PIK3R6: variants seen among roughly 807,000 people sequenced by gnomAD.
PIK3R6 encodes phosphoinositide 3-kinase regulatory subunit 6.
In PIK3R6, 91 loss-of-function variants were observed where a neutral mutation model predicts 84.9. That is an observed-to-expected ratio of 1.07 (90% CI 0.90 to 1.28). The LOEUF is 1.28. Ranked by LOEUF, PIK3R6 falls within the 50% of genes most tolerant of loss-of-function variation. The pLI is 0.00. For synonymous variants in PIK3R6, 416 were observed against 411.4 expected, an observed-to-expected ratio of 1.01 and a Z score of -0.13; for missense variants, 996 against 985.1, an observed-to-expected ratio of 1.01 and a Z score of -0.15.
chr17:8,826,946 C>T (rs955330441), intron 13 of PIK3R6, among the ~76,000 whole-genome samples: 2 of 152,068 alleles, frequency 1.3e-5, no homozygotes. Context: ...GTAAGTGTCC[C>T]GAGTGAGTTC....
At chr17:8,829,334 G>A (rs1161556453) in intron 10 of PIK3R6, among the ~76,000 whole-genome samples, 9 of 129,240 alleles carry the variant, frequency 7.0e-5, no homozygotes, top group African/African-American at 1.6e-4. Context: ...ATACACCCAT[G>A]CAAGCACACA....
At chr17:8,826,050 C>A (rs2151221436) in intron 13 of PIK3R6, among the ~76,000 whole-genome samples, 1 of 152,334 alleles carries the variant, frequency 6.6e-6, no homozygotes, top group South Asian at 2.1e-4. Flanking sequence ...TGGAGTCAAG[C>A]TGCCTGTTTC....
In PIK3R6 at chr17:8,845,716, G is replaced by C. The variant is rs148019268; in HGVS notation, c.13+4066C>G. The stretch of plus-strand genomic sequence containing the variant: ...AATCCCAGCACTTTGGGAGGCAGAG[G>C]GGGGCAGATCACTTGAGGCCAGGAG... On this transcript the variant is annotated intron_variant, in intron 2 of 19. Coordinates refer to ENST00000619866, the MANE Select transcript of PIK3R6 (RefSeq NM_001010855.4). Among the ~76,000 whole-genome samples the C allele has an allele frequency of 1.3e-3, 202 of 152,258 alleles. 1 individual carries two copies. In the East Asian group the frequency reaches 0.029, roughly 22 times the overall value.
rs372114068 is a variant in PIK3R6, at chr17:8,829,224, CAGAG to C, written c.890-238_890-235del. ...ACGTGCACACACACAGACACACACA[CAGAG>C]ACACACTGAAACACATGCATGCACG... On this transcript the variant is annotated intron_variant, in intron 10 of 19. Transcript: ENST00000619866. Among the ~76,000 whole-genome samples, 1,352 of 145,918 alleles carry C rather than the reference CAGAG, an allele frequency of 9.3e-3. 20 individuals carry two copies. Among genetic ancestry groups the C allele is most frequent in the African/African-American group, 0.034 (1,271 of 37,404 alleles).
intron 7 of PIK3R6, 36 bp from the exon 8 acceptor site, chr17:8,835,492 T>C: frequency 6.7e-7 from 1 of 1,500,018 alleles, no homozygotes; most frequent in Non-Finnish European, 9.0e-7. Flanking sequence ...GTGGGATTGA[T>C]AGTAACTAAT....
chr17:8,849,825 G>A lies in PIK3R6; in HGVS notation c.-31C>T, dbSNP rs1297995333. On this transcript the variant is annotated 5_prime_UTR_variant, in exon 2 of 20. Transcript: ENST00000619866. ...CCTTTGGGTGTAGGAGGAGGAGGAT[G>A]TGGTTGTCTCGGGCAGCAGAATAGA... The A allele has an allele frequency of 2.5e-6, 4 of 1,610,240 alleles. No homozygotes were observed. The highest frequency in any genetic ancestry group is 2.7e-5 in the African/African-American group (2 of 74,888).
Position 8,828,137 on chromosome 17 carries a change from T to G in PIK3R6, c.1367A>C (p.Tyr456Ser). ...CTCAGGCGCCAGCACGGGGATGTAGTAGAGCTGCAGGCTGAGTCTGGGAGT... is the reference window on the plus strand; with the variant it reads ...CTCAGGCGCCAGCACGGGGATGTAGGAGAGCTGCAGGCTGAGTCTGGGAGT... The part of the protein sequence containing the change: ...CLTPRLSLQL[Y>S]YIPVLAPEKP... Residue 456 changes from tyrosine (Y) to serine (S), a missense_variant, in exon 12 of 20, where the codon TAC becomes TCC. Transcript: ENST00000619866. The G allele has an allele frequency of 1.2e-6, 2 of 1,613,952 alleles. No individual in the cohort carries two copies.
chr17:8,828,428 T>C (rs12949852), intron 11 of PIK3R6, 139 bp downstream of exon 11: 408,250 of 1,126,262 alleles, frequency 0.36, 75,478 homozygotes, highest in African/African-American at 0.39. Flanking sequence ...GCGGGCACTG[T>C]GCGGCATCCT....
intron 7 of PIK3R6, among the ~76,000 whole-genome samples, chr17:8,835,701 G>A (rs2088432755): frequency 6.6e-6 from 1 of 152,148 alleles, no homozygotes; most frequent in South Asian, 2.1e-4. Flanking sequence ...GAGGAAAGCA[G>A]GCCTAGTCCC....
At position 8,842,780 on chromosome 17, in the gene PIK3R6, G is replaced by A. The variant is rs1253962739; in HGVS notation, c.14-3083C>T. Among the ~76,000 whole-genome samples, 1 of 152,170 alleles carries A rather than the reference G, an allele frequency of 6.6e-6. No homozygotes were observed. The highest frequency in any genetic ancestry group is 1.5e-5 in the Non-Finnish European group (1 of 68,028). On this transcript the variant is annotated intron_variant, in intron 2 of 19. Coordinates refer to ENST00000619866, the MANE Select transcript of PIK3R6 (RefSeq NM_001010855.4). This position sits in a 1 kb window ranked among gnomAD's most constrained non-coding sequence, Gnocchi z 4.5. ...AAATTAGCTCATCTCATGTGACAGG[G>A]ATCTCTCTTCTTGGCTCCTTTTTGG...
chr17:8,804,236 G>A lies in PIK3R6; in HGVS notation c.1996-83C>T, dbSNP rs977674987. On this transcript the variant is annotated intron_variant, in intron 18 of 19. Coordinates refer to ENST00000619866, the MANE Select transcript of PIK3R6 (RefSeq NM_001010855.4). ...AACATGCCCTACCCTGGAATCTGGT[G>A]TATTTCTTCAGTCCAGCACATGGGG... 33 of 1,164,688 alleles carry A rather than the reference G, an allele frequency of 2.8e-5. No homozygotes were observed. The African/African-American group carries it at 3.5e-4, about 12-fold the overall frequency. 72.1% of individuals were successfully genotyped at this position (1,164,688 alleles called of 1,614,324 possible).
At chr17:8,825,664 G>T (rs891774395) in intron 13 of PIK3R6, among the ~76,000 whole-genome samples, 2 of 151,958 alleles carry the variant, frequency 1.3e-5, no homozygotes, top group African/African-American at 4.8e-5. Flanking sequence ...AAAATAAAAT[G>T]ACATACTTCA....
chr17:8,860,191 G>A (rs531588057), intron 1 of PIK3R6, among the ~76,000 whole-genome samples: 3 of 152,226 alleles, frequency 2.0e-5, no homozygotes, highest in Non-Finnish European at 2.9e-5. Flanking sequence ...CCCAGGCTGC[G>A]GATGGGCACT....
In PIK3R6 at chr17:8,862,515, T is replaced by C. The variant is rs942952568; in HGVS notation, c.-92+5014A>G. On this transcript the variant is annotated intron_variant, in intron 1 of 19. Coordinates refer to ENST00000619866, the MANE Select transcript of PIK3R6 (RefSeq NM_001010855.4). The surrounding 1 kb of genome is among the most constrained non-coding windows in gnomAD (Gnocchi z 4.3). ...AGAAATGTGGAGACAGACACAATGG[T>C]GAGAAGGACATTGTGCCTCACTGAC... Among the ~76,000 whole-genome samples, 15 of 152,178 alleles carry C rather than the reference T, an allele frequency of 9.9e-5. No homozygotes were observed. The highest frequency in any genetic ancestry group is 2.7e-4 in the African/African-American group (11 of 41,492).
Position 8,804,000 on chromosome 17 carries a change from C to T in PIK3R6, c.2108+41G>A, listed in dbSNP as rs573639344. On this transcript the variant is annotated intron_variant, in intron 19 of 19. Coordinates refer to ENST00000619866, the MANE Select transcript of PIK3R6 (RefSeq NM_001010855.4). This position sits in a 1 kb window ranked among gnomAD's most constrained non-coding sequence, Gnocchi z 5.0. ...AGCTGGCTCCTGCTTCAGTTTGTCCCACGGGCCCTGGACATCTAGGGTTGG... is the reference window on the plus strand; with the variant it reads ...AGCTGGCTCCTGCTTCAGTTTGTCCTACGGGCCCTGGACATCTAGGGTTGG... 2 of 1,545,940 alleles carry T rather than the reference C, an allele frequency of 1.3e-6. No homozygotes were observed. Among genetic ancestry groups the T allele is most frequent in the South Asian group, 2.2e-5 (2 of 88,946 alleles).
chr17:8,829,515 CAT>C (rs568988786), intron 10 of PIK3R6, among the ~76,000 whole-genome samples, 189 bp downstream of exon 10: 2 of 119,566 alleles, frequency 1.7e-5, no homozygotes. Flanking sequence ...CACACTCATG[CAT>C]ACACACACAC....
At chr17:8,818,138 G>C (rs76927762) in intron 18 of PIK3R6, among the ~76,000 whole-genome samples, 2 of 152,308 alleles carry the variant, frequency 1.3e-5, no homozygotes, top group East Asian at 3.9e-4. Flanking sequence ...GTGGATGCAG[G>C]GTTATTCCAG....
intron 3 of PIK3R6, 32 bp from the exon 4 acceptor site, chr17:8,838,687 G>A (rs1408466781): frequency 6.4e-7 from 1 of 1,552,674 alleles, no homozygotes; most frequent in Non-Finnish European, 8.7e-7. Flanking sequence ...CCCGGCATGA[G>A]CAGGTGGGCA....
intron 6 of PIK3R6, 84 bp downstream of exon 6, chr17:8,836,707 C>T (rs1323461973): frequency 6.2e-7 from 1 of 1,610,732 alleles, no homozygotes. Context: ...CTTTTGAGCT[C>T]CCCGGTATCC....
Sources: gnomAD v4.1 joint callset for allele counts (sites outside exome capture counted in the v4.1 genomes callset) on GRCh38, gnomAD v4.1.1 for gene constraint, Gnocchi (gnomAD v3.1) non-coding constraint, MANE v1.5 for transcripts, NCBI Gene and HGNC (gene_info 2026-07-23, HGNC 2026-07-21) for gene names.